The following CDT1 variants were observed in gnomAD, a reference collection of about 807,000 sequenced individuals.
CDT1 encodes chromatin licensing and DNA replication factor 1.
Under a neutral mutation model 49.3 loss-of-function variants are expected in CDT1, and 66 were observed. The observed-to-expected ratio is 1.34, with a 90% CI of 1.10 to 1.64. The LOEUF is 1.64. Among genes scored for constraint, CDT1 ranks in the 40% most tolerant of loss-of-function variants. The pLI is 0.00. For missense variants in CDT1, 958 were observed against 807.7 expected, an observed-to-expected ratio of 1.19 and a Z score of -2.26; for synonymous variants, 424 against 347.4, an observed-to-expected ratio of 1.22 and a Z score of -2.45.
At chr16:88,806,429 G>A (rs1280372765) in intron 6 of CDT1, 57 bp from the exon 7 acceptor site, 4 of 1,578,388 alleles carry the variant, frequency 2.5e-6, no homozygotes, top group African/African-American at 1.3e-5. Context: ...TACCTCACAT[G>A]CAGTCTGCCC....
In CDT1 at chr16:88,806,638, G is replaced by A; in HGVS notation, c.1086G>A (p.Glu362=). The A allele has an allele frequency of 6.2e-7, 1 of 1,611,356 alleles. No individual in the cohort carries two copies. Among genetic ancestry groups the A allele is most frequent in the Non-Finnish European group, 8.5e-7 (1 of 1,179,672 alleles). The change falls in exon 7 of 10, where the codon GAG becomes GAA. Residue 362 remains glutamate, a synonymous_variant. Coordinates refer to ENST00000301019, the MANE Select transcript of CDT1 (RefSeq NM_030928.4). The part of the protein sequence containing the change: ...PATEKLTTAQ[E]VLARARNLIS... ...CGGAGAAGCTCACCACTGCTCAGGA[G>A]GTGCTGGCCCGGGCCCGCAACCTGA... is the stretch of plus-strand genomic sequence containing the variant.
chr16:88,805,844 C>A lies in CDT1; in HGVS notation c.807C>A (p.Leu269=), dbSNP rs1407399954. Residue 269 remains leucine, a synonymous_variant, in exon 5 of 10, where the codon CTC becomes CTA. Transcript: ENST00000301019. ...KDGTRRSDYQ[L]TIEPLLEQEA... is the part of the protein sequence containing the mutation. ...GCACCAGGAGGTCAGATTACCAGCT[C>A]ACCATCGAGCCACTGCTGGAGCAGG... is the stretch of plus-strand genomic sequence containing the variant. 1 of 1,612,908 alleles carries A rather than the reference C, an allele frequency of 6.2e-7. No homozygotes were observed. Among genetic ancestry groups the A allele is most frequent in the Non-Finnish European group, 8.5e-7 (1 of 1,179,960 alleles).
intron 7 of CDT1, 106 bp from the exon 8 acceptor site, chr16:88,806,945 G>A (rs1908878779): frequency 7.0e-7 from 1 of 1,431,700 alleles, no homozygotes; most frequent in Non-Finnish European, 9.8e-7. Context: ...ACCACCCAGT[G>A]TGCTGGGTGA....
chr16:88,806,628 C>T lies in CDT1; in HGVS notation c.1076C>T (p.Thr359Ile), dbSNP rs1908867165. The change falls in exon 7 of 10, where the codon ACT becomes ATT. Residue 359 changes from threonine to isoleucine, a missense_variant. Transcript: ENST00000301019. ...PQPPATEKLT[T>I]AQEVLARARN... ...CCACCCGCCACGGAGAAGCTCACCA[C>T]TGCTCAGGAGGTGCTGGCCCGGGCC... 1.2e-6 allele frequency: 2 copies of T among 1,611,664 alleles called. No individual in the cohort carries two copies. The highest frequency in any genetic ancestry group is 1.1e-5 in the South Asian group (1 of 90,920).
chr16:88,807,954 C>G (rs571377265), intron 9 of CDT1, among the ~76,000 whole-genome samples, 161 bp from the exon 10 acceptor site: 1 of 152,374 alleles, frequency 6.6e-6, no homozygotes, highest in African/African-American at 2.4e-5. Flanking sequence ...CCACCCAGAC[C>G]TGGGCCTCTG....
rs188631314 is a variant in CDT1, at chr16:88,808,840, C to A, written c.*562C>A. 20,242 of 159,118 alleles carry A rather than the reference C, an allele frequency of 0.13. 2,001 individuals are homozygous for A. The highest frequency in any genetic ancestry group is 0.29 in the African/African-American group (11,933 of 41,348). The allele number at this position is 159,118 out of a possible 1,614,324, so 9.9% of individuals were successfully genotyped here. A position where few individuals can be genotyped will look rare whatever the true frequency, so the allele number is the denominator to read the frequency against. On this transcript the variant is annotated 3_prime_UTR_variant, in exon 10 of 10. Coordinates refer to ENST00000301019, the MANE Select transcript of CDT1 (RefSeq NM_030928.4). ...TGAAACCCCATCTCTACTAAAAATA[C>A]AAAAAATTAGCCGGGTGTGGTGGTG...
In CDT1 at chr16:88,804,607, G is replaced by C. The variant is rs779651660; in HGVS notation, c.291G>C (p.Lys97Asn). The change falls in exon 2 of 10, where the codon AAG (lysine) becomes AAC (asparagine). Residue 97 changes from lysine (K) to asparagine (N), a missense_variant. Lys to Asn is a moderately conservative substitution (Grantham distance 94). Coordinates refer to ENST00000301019, the MANE Select transcript of CDT1 (RefSeq NM_030928.4). ...CAGCCTGCCCTTCTCCGGGCCAGAA[G>C]ATAAAGAAATCCACCCCGGCAGCAG... Reference protein sequence around the residue: ...DIPACPSPGQKIKKSTPAAGQ... With the variant: ...DIPACPSPGQNIKKSTPAAGQ... 8.1e-6 allele frequency: 13 copies of C among 1,612,878 alleles called. No homozygotes were observed. Among genetic ancestry groups the C allele is most frequent in the Non-Finnish European group, 1.1e-5 (13 of 1,179,904 alleles).
chr16:88,805,851 G>C lies in CDT1; in HGVS notation c.814G>C (p.Glu272Gln), dbSNP rs377367421. 1 of 1,612,980 alleles carries C rather than the reference G, an allele frequency of 6.2e-7. No individual in the cohort carries two copies. The highest frequency in any genetic ancestry group is 1.3e-5 in the African/African-American group (1 of 74,938). ...TRRSDYQLTI[E>Q]PLLEQEADGA... ...GAGGTCAGATTACCAGCTCACCATC[G>C]AGCCACTGCTGGAGCAGGGTGAGTG... Residue 272 changes from glutamate to glutamine, a missense_variant, in exon 5 of 10, where the codon GAG becomes CAG. By Grantham distance (29) the Glu-to-Gln change is conservative. Transcript: ENST00000301019.
At chr16:88,805,968 G>C in intron 5 of CDT1, 53 bp from the exon 6 acceptor site, 1 of 1,579,134 alleles carries the variant, frequency 6.3e-7, no homozygotes, top group Non-Finnish European at 8.6e-7. Flanking sequence ...GACTGGTCAC[G>C]GGTGGGTGGC....
chr16:88,804,939 C>G, intron 3 of CDT1, 41 bp downstream of exon 3: 1 of 1,533,806 alleles, frequency 6.5e-7, no homozygotes, highest in South Asian at 1.2e-5. Flanking sequence ...CGGCAAAGGC[C>G]GGGTTGGTGG....
chr16:88,803,979 C>T lies in CDT1; in HGVS notation c.148C>T (p.Arg50Cys). Residue 50 changes from arginine to cysteine, a missense_variant, in exon 1 of 10, where the codon CGC becomes TGC. By Grantham distance (180) the Arg-to-Cys change is radical. Transcript: ENST00000301019. ...CTCCGCTACCAGTGGCAGCCGCAAG[C>T]GCGCCCGCCCGCCCGCCGCCCCCGG... ...PASATSGSRKRARPPAAPGRD... is the reference protein window; with the variant it reads ...PASATSGSRKCARPPAAPGRD... The T allele has an allele frequency of 6.9e-7, 1 of 1,441,148 alleles. No homozygotes were observed. Among genetic ancestry groups the T allele is most frequent in the African/African-American group, 1.5e-5 (1 of 66,902 alleles). The allele number at this position is 1,441,148 out of a possible 1,614,324, so 89.3% of individuals were successfully genotyped here. A position where few individuals can be genotyped will look rare whatever the true frequency, so the allele number is the denominator to read the frequency against.
Position 88,806,025 on chromosome 16 carries a change from T to C in CDT1, c.837T>C (p.Ala279=). The change falls in exon 6 of 10, where the codon GCT becomes GCC. Residue 279 remains alanine (A), a synonymous_variant. Transcript: ENST00000301019. The stretch of plus-strand genomic sequence containing the variant: ...AGGCCTGGACTCGTCCCACAGAGGC[T>C]GACGGAGCAGCCCCCCAGCTCACGG... The part of the protein sequence containing the change: ...LTIEPLLEQE[A]DGAAPQLTAS... 1.9e-6 allele frequency: 3 copies of C among 1,591,094 alleles called. No homozygotes were observed. The highest frequency in any genetic ancestry group is 2.6e-6 in the Non-Finnish European group (3 of 1,172,402).
At position 88,808,341 on chromosome 16, in the gene CDT1, T is replaced by C; in HGVS notation, c.*63T>C. The C allele has an allele frequency of 6.6e-7, 1 of 1,513,784 alleles. No homozygotes were observed. The highest frequency in any genetic ancestry group is 1.2e-5 in the South Asian group (1 of 82,752). The allele number at this position is 1,513,784 out of a possible 1,614,324, so 93.8% of individuals were successfully genotyped here. A position where few individuals can be genotyped will look rare whatever the true frequency, so the allele number is the denominator to read the frequency against. On this transcript the variant is annotated 3_prime_UTR_variant, in exon 10 of 10. Coordinates refer to ENST00000301019, the MANE Select transcript of CDT1 (RefSeq NM_030928.4). The stretch of plus-strand genomic sequence containing the variant: ...GCTCGCTGGCCTGGGCCCACCAGCA[T>C]TTTCTTTTATGAACATGATACACTT...
chr16:88,806,221 C>T, intron 6 of CDT1, 100 bp downstream of exon 6: 1 of 1,203,906 alleles, frequency 8.3e-7, no homozygotes, highest in Non-Finnish European at 1.2e-6. Flanking sequence ...ACAGCTTCTC[C>T]CGGGATGGAA....
At position 88,808,410 on chromosome 16, in the gene CDT1, T is replaced by C; in HGVS notation, c.*132T>C. 1.8e-6 allele frequency: 2 copies of C among 1,099,454 alleles called. No individual in the cohort carries two copies. Among genetic ancestry groups the C allele is most frequent in the Non-Finnish European group, 2.6e-6 (2 of 775,796 alleles). 68.1% of individuals were successfully genotyped at this position (1,099,454 alleles called of 1,614,324 possible). A position where few individuals can be genotyped will look rare whatever the true frequency, so the allele number is the denominator to read the frequency against. On this transcript the variant is annotated 3_prime_UTR_variant, in exon 10 of 10. Transcript: ENST00000301019. ...CGCCCCTGAGGGCCAGAGGCAGATG[T>C]GGGCTGCAGGCTGCACAGCCCGAGG...
chr16:88,805,167 C>T (rs1908802951), intron 3 of CDT1, among the ~76,000 whole-genome samples: 1 of 152,246 alleles, frequency 6.6e-6, no homozygotes. Context: ...TCTGCCTCTG[C>T]CCCTGAGAGC....
In CDT1 at chr16:88,806,579, A is replaced by T. The variant is rs1463237618; in HGVS notation, c.1027A>T (p.Ile343Phe). Reference sequence around the variant, plus strand: ...CTTCAACGTGGATGAAGTACCCGACATCGAGCCGGCCGCGCTGCCCCAGCC... The same window carrying T: ...CTTCAACGTGGATGAAGTACCCGACTTCGAGCCGGCCGCGCTGCCCCAGCC... ...PRFNVDEVPD[I>F]EPAALPQPPA... Residue 343 changes from isoleucine to phenylalanine, a missense_variant, in exon 7 of 10, where the codon ATC (isoleucine) becomes TTC (phenylalanine). Transcript: ENST00000301019. 6.2e-7 allele frequency: 1 copy of T among 1,608,628 alleles called. No individual in the cohort carries two copies. The highest frequency in any genetic ancestry group is 1.3e-5 in the African/African-American group (1 of 74,846).
chr16:88,807,003 G>T, intron 7 of CDT1, 48 bp from the exon 8 acceptor site: 1 of 1,611,202 alleles, frequency 6.2e-7, no homozygotes, highest in Non-Finnish European at 8.5e-7. Context: ...ACAGCCAGGG[G>T]CACGTTGCAT....
At position 88,808,415 on chromosome 16, in the gene CDT1, T is replaced by C; in HGVS notation, c.*137T>C. ...CTGAGGGCCAGAGGCAGATGTGGGC[T>C]GCAGGCTGCACAGCCCGAGGGTCTC... On this transcript the variant is annotated 3_prime_UTR_variant, in exon 10 of 10. Transcript: ENST00000301019. 1 of 1,039,696 alleles carries C rather than the reference T, an allele frequency of 9.6e-7. No homozygotes were observed. The highest frequency in any genetic ancestry group is 1.4e-6 in the Non-Finnish European group (1 of 722,494). 64.4% of individuals were successfully genotyped at this position (1,039,696 alleles called of 1,614,324 possible).
Sources: gnomAD v4.1 joint callset for allele counts (sites outside exome capture counted in the v4.1 genomes callset) on GRCh38, gnomAD v4.1.1 for gene constraint, MANE v1.5 for transcripts, NCBI Gene and HGNC (gene_info 2026-07-23, HGNC 2026-07-21) for gene names.